Variants in ATXN2 observed in about 807,000 individuals in gnomAD.
ATXN2 encodes ataxin 2, also known as ataxin-2.
A neutral mutation model predicts 138.6 loss-of-function variants in ATXN2; 37 were observed. That is an observed-to-expected ratio of 0.27 (90% CI 0.21 to 0.35). ATXN2 has a LOEUF of 0.35. ATXN2 is among the 10% of genes least tolerant of loss of function. The pLI, the probability that ATXN2 is intolerant of heterozygous loss-of-function variation, is 1.00. For synonymous variants in ATXN2, 549 were observed against 543.7 expected, an observed-to-expected ratio of 1.01 and a Z score of -0.13; for missense variants, 1,216 against 1,480.3, an observed-to-expected ratio of 0.82 and a Z score of 2.93.
intron 18 of ATXN2, among the ~76,000 whole-genome samples, chr12:111,481,119 G>A (rs374878347): frequency 3.0e-4 from 45 of 152,264 alleles, no homozygotes; most frequent in Non-Finnish European, 5.0e-4. Context: ...AGACCAGCCT[G>A]GCCAACATGG....
intron 18 of ATXN2, among the ~76,000 whole-genome samples, chr12:111,476,774 A>G (rs1220358548): frequency 1.3e-5 from 2 of 152,238 alleles, no homozygotes; most frequent in African/African-American, 2.4e-5. Flanking sequence ...GATGACCTCA[A>G]TGAAGATTCC....
intron 21 of ATXN2, among the ~76,000 whole-genome samples, chr12:111,462,861 T>TTA (rs1875682962): frequency 6.6e-6 from 1 of 152,108 alleles, no homozygotes; most frequent in Admixed American, 6.6e-5. Flanking sequence ...AGTTTCCCCT[T>TTA]TAATAGTATA....
intron 10 of ATXN2, among the ~76,000 whole-genome samples, chr12:111,515,762 A>G (rs1043623815): frequency 1.3e-5 from 2 of 152,214 alleles, no homozygotes; most frequent in African/African-American, 4.8e-5. Flanking sequence ...GCCAATAGGA[A>G]GGTTCACTAG....
rs183256854 is a variant in ATXN2 at position 111,510,502 on chromosome 12, G to A, written c.1639C>T (p.Leu547Phe). Residue 547 changes from leucine to phenylalanine, a missense_variant, in exon 12 of 25, where the codon CTT becomes TTT. This residue lies in a region of ATXN2 where 215 missense variants were observed against 210.0 expected (regional missense o/e 1.02). Coordinates refer to ENST00000673436, the MANE Select transcript of ATXN2 (RefSeq NM_001372574.1). Reference protein sequence around the residue: ...SIGNTPSGPVLASPQAGIIPT... With the variant: ...SIGNTPSGPVFASPQAGIIPT... Reference sequence around the variant, plus strand: ...ATAATACCAGCTTGGGGAGAAGCAAGAACTGGCCCACTGGGGGTATTTCCA... The same window carrying A: ...ATAATACCAGCTTGGGGAGAAGCAAAAACTGGCCCACTGGGGGTATTTCCA... 3.3e-5 allele frequency: 54 copies of A among 1,614,136 alleles called. 1 individual carries two copies. The East Asian group carries it at 1.1e-3, about 33-fold the overall frequency.
At chr12:111,578,173 G>A (rs1883787265) in intron 1 of ATXN2, among the ~76,000 whole-genome samples, 1 of 152,104 alleles carries the variant, frequency 6.6e-6, no homozygotes, top group Admixed American at 6.6e-5. Context: ...CTCCAGCCTG[G>A]GCGATAGAGC....
At chr12:111,577,005 CCACGTTGGCCA>C (rs1883701526) in intron 1 of ATXN2, among the ~76,000 whole-genome samples, 1 of 151,602 alleles carries the variant, frequency 6.6e-6, no homozygotes, top group Non-Finnish European at 1.5e-5. Context: ...CAGGGTTTCA[CCACGTTGGCCA>C]CGCTGGTCTC....
intron 14 of ATXN2, among the ~76,000 whole-genome samples, chr12:111,506,478 T>C (rs986490869): frequency 5.9e-5 from 9 of 152,216 alleles, no homozygotes; most frequent in Admixed American, 5.9e-4. Context: ...ATTCACATGC[T>C]TCAAAGTAGA....
intron 5 of ATXN2, among the ~76,000 whole-genome samples, chr12:111,548,060 G>C (rs1881922601): frequency 1.3e-5 from 2 of 151,956 alleles, no homozygotes; most frequent in African/African-American, 2.4e-5. Flanking sequence ...GGGTGTGGTG[G>C]TACGTGCCTG....
chr12:111,490,357 T>C (rs1193582269), intron 14 of ATXN2, among the ~76,000 whole-genome samples: 1 of 152,022 alleles, frequency 6.6e-6, no homozygotes, highest in Non-Finnish European at 1.5e-5. Flanking sequence ...CACAGCAGCT[T>C]TGTGTGAAAT....
chr12:111,537,868 G>A (rs1029021693), intron 5 of ATXN2, among the ~76,000 whole-genome samples: 3 of 152,014 alleles, frequency 2.0e-5, no homozygotes, highest in Non-Finnish European at 4.4e-5. Context: ...GGCTGGGGCA[G>A]GAGGATCATT....
intron 14 of ATXN2, among the ~76,000 whole-genome samples, chr12:111,503,652 C>G (rs1349503449): frequency 6.6e-6 from 1 of 151,412 alleles, no homozygotes; most frequent in Non-Finnish European, 1.5e-5. Context: ...CCCACTGATG[C>G]AATCTCGGAT....
At chr12:111,582,455 G>T (rs1460920748) in intron 1 of ATXN2, among the ~76,000 whole-genome samples, 1 of 148,686 alleles carries the variant, frequency 6.7e-6, no homozygotes, top group Non-Finnish European at 1.5e-5. Flanking sequence ...AAAAAAAAAA[G>T]AACTGCAGGG....
Position 111,541,547 on chromosome 12 carries a change from C to G in ATXN2, c.571+10733G>C, listed in dbSNP as rs1056898117. 2.0e-5 allele frequency among the ~76,000 whole-genome samples: 3 copies of G among 147,972 alleles called. No individual in the cohort carries two copies. The South Asian group carries it at 6.4e-4, about 32-fold the overall frequency. ...TGTATTTTTAGTAGAGACGGGGTTT[C>G]TCCATGTTGGTCAGGCTGGTCATGA... On this transcript the variant is annotated intron_variant, in intron 5 of 24. Coordinates refer to ENST00000673436, the MANE Select transcript of ATXN2 (RefSeq NM_001372574.1).
intron 1 of ATXN2, among the ~76,000 whole-genome samples, chr12:111,592,244 G>A (rs1032454223): frequency 6.6e-6 from 1 of 151,676 alleles, no homozygotes; most frequent in African/African-American, 2.4e-5. Context: ...GCAAAACTTA[G>A]CCAGGCATGG....
Position 111,543,176 on chromosome 12 carries a change from A to G in ATXN2, c.571+9104T>C, listed in dbSNP as rs372599385. Among the ~76,000 whole-genome samples, 6 of 152,108 alleles carry G rather than the reference A, an allele frequency of 3.9e-5. No individual in the cohort carries two copies. In the East Asian group the frequency reaches 1.2e-3, roughly 29 times the overall value. On this transcript the variant is annotated intron_variant, in intron 5 of 24. Coordinates refer to ENST00000673436, the MANE Select transcript of ATXN2 (RefSeq NM_001372574.1). The stretch of plus-strand genomic sequence containing the variant: ...TCTCCAGTTACTGCTTGGCCCCAGA[A>G]TGAACACATATCTGTGTCTTAATAA...
chr12:111,517,780 T>C (rs1329677603), intron 9 of ATXN2, among the ~76,000 whole-genome samples: 2 of 152,182 alleles, frequency 1.3e-5, no homozygotes, highest in African/African-American at 2.4e-5. Flanking sequence ...TCTTGTATTA[T>C]AAGTTACCTC....
chr12:111,589,523 G>C (rs1884535219), intron 1 of ATXN2, among the ~76,000 whole-genome samples: 1 of 150,572 alleles, frequency 6.6e-6, no homozygotes, highest in Non-Finnish European at 1.5e-5. Flanking sequence ...TGTAATTCCA[G>C]CACTTCAGGA....
intron 1 of ATXN2, among the ~76,000 whole-genome samples, chr12:111,573,331 T>C (rs1341313705): frequency 6.6e-6 from 1 of 152,126 alleles, no homozygotes; most frequent in Non-Finnish European, 1.5e-5. Flanking sequence ...GTAGCTGGGA[T>C]TACAGGTGCT....
Position 111,470,603 on chromosome 12 carries a change from G to C in ATXN2, c.2664C>G (p.Phe888Leu). The C allele has an allele frequency of 6.2e-7, 1 of 1,614,130 alleles. No individual in the cohort carries two copies. The highest frequency in any genetic ancestry group is 1.1e-5 in the South Asian group (1 of 91,066). The change falls in exon 19 of 25, where the codon TTC (phenylalanine) becomes TTG (leucine). Residue 888 changes from phenylalanine (F) to leucine (L), a missense_variant. By Grantham distance (22) the Phe-to-Leu change is conservative. Around this residue, in one of 4 missense-constraint regions of ATXN2, gnomAD observed 490 missense variants for 653.5 expected, o/e 0.75. Coordinates refer to ENST00000673436, the MANE Select transcript of ATXN2 (RefSeq NM_001372574.1). Reference sequence around the variant, plus strand: ...CATGCTGAACAAGGGGCTGATTTGGGAACTGCTGAGGACTGTAGGCAACAT... The same window carrying C: ...CATGCTGAACAAGGGGCTGATTTGGCAACTGCTGAGGACTGTAGGCAACAT... ...TQYVAYSPQQ[F>L]PNQPLVQHVP...
Sources: allele counts gnomAD v4.1 joint callset (sites outside exome capture counted in the v4.1 genomes callset), GRCh38; gene constraint gnomAD v4.1.1; regional missense constraint gnomAD v4.1.1; transcripts MANE v1.5; gene names NCBI Gene and HGNC (gene_info 2026-07-23, HGNC 2026-07-21).